WDFY3: variants seen among roughly 807,000 people sequenced by gnomAD.
WDFY3 encodes the protein WD repeat and FYVE domain containing 3.
A neutral mutation model predicts 409.6 loss-of-function variants in WDFY3; 66 were observed. The observed-to-expected ratio is 0.16, with a 90% confidence interval of 0.13 to 0.20. The LOEUF (loss-of-function observed/expected upper bound fraction) is 0.20. Among genes scored for constraint, WDFY3 ranks in the 10% least tolerant of loss-of-function variants. The pLI is 1.00. For missense variants in WDFY3, 3,031 were observed against 4,298.1 expected (o/e 0.71, Z 8.24); for synonymous variants, 1,521 against 1,537.1 (o/e 0.99, Z 0.25).
At chr4:84,894,384 T>C (rs1561022330) in intron 3 of WDFY3, among the ~76,000 whole-genome samples, 1 of 152,124 alleles carries the variant, frequency 6.6e-6, no homozygotes, top group Non-Finnish European at 1.5e-5. Flanking sequence ...CTTGGCCAGG[T>C]GCAGGGGCTC....
chr4:84,910,967 G>T (rs1469271277), intron 2 of WDFY3, among the ~76,000 whole-genome samples: 6 of 151,378 alleles, frequency 4.0e-5, no homozygotes, highest in Middle Eastern at 6.8e-3. Flanking sequence ...TGATCCACCT[G>T]CCTCGGCCTC....
At chr4:84,708,805 T>G (rs1264443935) in intron 53 of WDFY3, 104 bp downstream of exon 53, 9 of 1,293,548 alleles carry the variant, frequency 7.0e-6, no homozygotes, top group Non-Finnish European at 9.6e-6. Flanking sequence ...CCTCCCAAAG[T>G]GCTAGGATTT....
At chr4:84,740,665 C>T (rs1267260448) in intron 38 of WDFY3, among the ~76,000 whole-genome samples, 2 of 152,066 alleles carry the variant, frequency 1.3e-5, no homozygotes, top group Non-Finnish European at 2.9e-5. Flanking sequence ...GAGCCACTAA[C>T]GATGCTGTGG....
Position 84,753,732 on chromosome 4 carries a change from C to A in WDFY3, c.5704G>T (p.Val1902Phe). 6.2e-7 allele frequency: 1 copy of A among 1,600,168 alleles called. No individual in the cohort carries two copies. The change falls in exon 35 of 68, where the codon GTC becomes TTC. Residue 1902 changes from valine (V) to phenylalanine (F), a missense_variant. Val to Phe is a conservative substitution (Grantham distance 50). This residue lies in a region of WDFY3 where 342 missense variants were observed against 463.7 expected (regional missense o/e 0.74). Transcript: ENST00000295888. ...TAAGGGCGAATATTGAAGGGGAAGACGGTGGCTGCTAATGCACACAGGAAG... is the reference window on the plus strand; with the variant it reads ...TAAGGGCGAATATTGAAGGGGAAGAAGGTGGCTGCTAATGCACACAGGAAG... ...PDFLCALAAT[V>F]FPFNIRPYSE...
intron 3 of WDFY3, among the ~76,000 whole-genome samples, chr4:84,877,481 T>C (rs1391835314): frequency 6.6e-6 from 1 of 152,038 alleles, no homozygotes; most frequent in East Asian, 1.9e-4. Context: ...TATTTTTTTA[T>C]AGAGATGGGG....
intron 2 of WDFY3, among the ~76,000 whole-genome samples, chr4:84,923,407 G>C (rs567435017): frequency 6.6e-6 from 1 of 152,160 alleles, no homozygotes; most frequent in East Asian, 1.9e-4. Context: ...TACATTTTTT[G>C]CAAGTTACTG....
intron 49 of WDFY3, among the ~76,000 whole-genome samples, chr4:84,716,435 T>C (rs1733926381): frequency 1.6e-5 from 2 of 123,270 alleles, no homozygotes; most frequent in South Asian, 5.3e-4. Context: ...CAAGACTCCA[T>C]CTCAAAAAAA....
chr4:84,746,611 A>T (rs1048256152), intron 36 of WDFY3, among the ~76,000 whole-genome samples: 2 of 152,126 alleles, frequency 1.3e-5, no homozygotes, highest in African/African-American at 4.8e-5. Flanking sequence ...TACACTTGTT[A>T]CTGGTCCTAG....
intron 1 of WDFY3, among the ~76,000 whole-genome samples, chr4:84,952,076 T>C (rs1426448579): frequency 6.6e-6 from 1 of 152,140 alleles, no homozygotes; most frequent in African/African-American, 2.4e-5. Context: ...AGCAATGCAG[T>C]ACAACTTTTC....
rs549469789 is a variant in WDFY3 at position 84,792,244 on chromosome 4, G to C, written c.3487+2275C>G. Among the ~76,000 whole-genome samples the C allele has an allele frequency of 4.6e-5, 7 of 152,178 alleles. No individual in the cohort carries two copies. In the South Asian group the frequency reaches 1.0e-3, roughly 23 times the overall value. On this transcript the variant is annotated intron_variant, in intron 21 of 67. Coordinates refer to ENST00000295888, the MANE Select transcript of WDFY3 (RefSeq NM_014991.6). Reference sequence around the variant, plus strand: ...TGTCTGTTGATAAGACTATTACACAGGTAAAAATCTTATCCATGAGGTGAC... The same window carrying C: ...TGTCTGTTGATAAGACTATTACACACGTAAAAATCTTATCCATGAGGTGAC...
intron 1 of WDFY3, among the ~76,000 whole-genome samples, chr4:84,963,483 A>G (rs899652458): frequency 6.4e-4 from 97 of 152,106 alleles, no homozygotes; most frequent in African/African-American, 2.3e-3. Context: ...TCGTAATCAC[A>G]GGAAATACTA....
At position 84,691,714 on chromosome 4, in the gene WDFY3, G is replaced by A. The variant is rs1246653883; in HGVS notation, c.9121C>T (p.Leu3041Phe). The A allele has an allele frequency of 6.2e-7, 1 of 1,614,094 alleles. No homozygotes were observed. Among genetic ancestry groups the A allele is most frequent in the Non-Finnish European group, 8.5e-7 (1 of 1,179,962 alleles). Residue 3041 changes from leucine (L) to phenylalanine (F), a missense_variant, in exon 60 of 68, where the codon CTT becomes TTT. Physicochemically the swap from Leu to Phe is conservative, Grantham distance 22 (BLOSUM62 0). Around this residue, in one of 16 missense-constraint regions of WDFY3, gnomAD observed 152 missense variants for 193.5 expected, o/e 0.79. Transcript: ENST00000295888. ...GTTTTATTCCAGGTTGGTGGGATAA[G>A]AACCTTATTCTGTTCCACCGCAAGA... is the stretch of plus-strand genomic sequence containing the variant. ...GILAVEQNKVLIPPTWNKTFA... is the reference protein window; with the variant it reads ...GILAVEQNKVFIPPTWNKTFA...
intron 36 of WDFY3, 54 bp downstream of exon 36, chr4:84,751,429 T>C (rs971578473): frequency 1.7e-5 from 27 of 1,563,860 alleles, no homozygotes; most frequent in Non-Finnish European, 2.3e-5. Context: ...GTTACTAATG[T>C]TCTAATTTAA....
intron 5 of WDFY3, among the ~76,000 whole-genome samples, chr4:84,849,156 A>C (rs889705208): frequency 1.3e-5 from 2 of 152,054 alleles, no homozygotes; most frequent in African/African-American, 2.4e-5. Context: ...ATCCACCCCC[A>C]AAAAATGAAA....
At chr4:84,695,242 G>A (rs941074750) in intron 58 of WDFY3, among the ~76,000 whole-genome samples, 1 of 152,112 alleles carries the variant, frequency 6.6e-6, no homozygotes, top group Non-Finnish European at 1.5e-5. Context: ...TCTGGGTGCT[G>A]AGAGGCTTAG....
At chr4:84,872,934 G>A (rs920502441) in intron 3 of WDFY3, among the ~76,000 whole-genome samples, 1 of 151,948 alleles carries the variant, frequency 6.6e-6, no homozygotes, top group Non-Finnish European at 1.5e-5. Flanking sequence ...ATAGTATCAG[G>A]GATAAAAAGA....
intron 30 of WDFY3, among the ~76,000 whole-genome samples, chr4:84,767,929 A>G (rs992879835): frequency 2.0e-5 from 3 of 152,154 alleles, no homozygotes; most frequent in African/African-American, 4.8e-5. Context: ...AAAAAAATGA[A>G]GAAATGAACT....
At chr4:84,935,328 C>A (rs867619724) in intron 1 of WDFY3, among the ~76,000 whole-genome samples, 4 of 152,168 alleles carry the variant, frequency 2.6e-5, no homozygotes, top group African/African-American at 9.7e-5. Flanking sequence ...TATAACTTCA[C>A]TACCAAAAGG....
chr4:84,935,896 A>T (rs1303843306), intron 1 of WDFY3, among the ~76,000 whole-genome samples: 1 of 152,162 alleles, frequency 6.6e-6, no homozygotes, highest in South Asian at 2.1e-4. Context: ...ATATAGTATA[A>T]TTCTCAGGAA....
Sources: allele counts gnomAD v4.1 joint callset (sites outside exome capture counted in the v4.1 genomes callset), GRCh38; gene constraint gnomAD v4.1.1; regional missense constraint gnomAD v4.1.1; transcripts MANE v1.5; gene names NCBI Gene and HGNC (gene_info 2026-07-23, HGNC 2026-07-21).